NSD1: variants seen among roughly 807,000 people sequenced by gnomAD.
NSD1 encodes histone-lysine N-methyltransferase, H3 lysine-36 specific.
A neutral mutation model predicts 242.7 loss-of-function variants in NSD1; 26 were observed. The ratio of observed to expected loss-of-function variants is 0.11; its 90% CI spans 0.08 to 0.15. NSD1 has a LOEUF of 0.15. NSD1 is among the 10% of genes least tolerant of loss of function. NSD1 has a pLI of 1.00. For synonymous variants in NSD1, 1,106 were observed against 1,178.1 expected (o/e 0.94, Z 1.25); for missense variants, 2,495 against 3,272.8 (o/e 0.76, Z 5.80).
At chr5:177,222,633 T>C (rs556462490) in intron 5 of NSD1, among the ~76,000 whole-genome samples, 184 of 152,350 alleles carry the variant, frequency 1.2e-3, no homozygotes, top group African/African-American at 4.3e-3. Context: ...GTCATTTATG[T>C]ATTTTATTTG....
chr5:177,211,191 A>C lies in NSD1; in HGVS notation c.2792A>C (p.Gln931Pro), dbSNP rs1414134524. Residue 931 changes from glutamine (Q) to proline (P), a missense_variant, in exon 5 of 23, where the codon CAA becomes CCA. By Grantham distance (76) the Gln-to-Pro change is moderately conservative (BLOSUM62 -1). This residue lies in a region of NSD1 where 121 missense variants were observed against 167.2 expected (regional missense o/e 0.72). Coordinates refer to ENST00000439151, the MANE Select transcript of NSD1 (RefSeq NM_022455.5). ...AAGGAGCAGCGGTTGATGACTGCTC[A>C]AAACCTGGTCTCTTACCGGAGTCCT... ...KTKEQRLMTA[Q>P]NLVSYRSPGR... is the part of the protein sequence containing the mutation. 6.2e-7 allele frequency: 1 copy of C among 1,614,010 alleles called. No individual in the cohort carries two copies. Among genetic ancestry groups the C allele is most frequent in the African/African-American group, 1.3e-5 (1 of 74,940 alleles).
At chr5:177,209,591 C>T in intron 4 of NSD1, 45 bp from the exon 5 acceptor site, 1 of 1,415,036 alleles carries the variant, frequency 7.1e-7, no homozygotes, top group Middle Eastern at 1.8e-4. Flanking sequence ...TTCCCCCACC[C>T]ATTTCTTTGA....
At chr5:177,251,337 G>C (rs1451433878) in intron 11 of NSD1, among the ~76,000 whole-genome samples, 2 of 152,178 alleles carry the variant, frequency 1.3e-5, no homozygotes, top group Non-Finnish European at 2.9e-5. Context: ...TTGTAGGTAT[G>C]TCCCAAAAGG....
At chr5:177,170,983 A>G (rs192903866) in intron 2 of NSD1, among the ~76,000 whole-genome samples, 2 of 151,826 alleles carry the variant, frequency 1.3e-5, no homozygotes, top group Admixed American at 6.6e-5. Context: ...TGTCACTTCA[A>G]AATGAAACCT....
intron 10 of NSD1, 139 bp downstream of exon 10, chr5:177,246,935 G>T: frequency 1.5e-6 from 1 of 687,164 alleles, no homozygotes; most frequent in South Asian, 1.6e-5. Context: ...AATCTTGGAG[G>T]AAAAGTAGAG....
rs144562009 is a variant in NSD1 at position 177,238,377 on chromosome 5, C to A, written c.4062C>A (p.Gly1354=). 3.1e-6 allele frequency: 5 copies of A among 1,613,926 alleles called. No homozygotes were observed. In the African/African-American group the frequency reaches 6.7e-5, roughly 22 times the overall value. ...VLEREAPFLE[G]PLAQSELGGG... ...AAAGGGAGGCTCCGTTTTTGGAGGG[C>A]CCCTTGGCTCAGTCAGAACTTGGAG... Residue 1354 remains glycine, a synonymous_variant, in exon 7 of 23, where the codon GGC becomes GGA. Coordinates refer to ENST00000439151, the MANE Select transcript of NSD1 (RefSeq NM_022455.5). The surrounding 1 kb of genome is among the most constrained non-coding windows in gnomAD (Gnocchi z 4.6).
rs571851194 is a variant in NSD1, at chr5:177,178,218, T to TTTGA, written c.928-13647_928-13644dup. 4.8e-4 allele frequency among the ~76,000 whole-genome samples: 73 copies of TTTGA among 152,150 alleles called. 2 individuals carry two copies. In the East Asian group the frequency reaches 6.2e-3, roughly 13 times the overall value. On this transcript the variant is annotated intron_variant, in intron 2 of 22. Coordinates refer to ENST00000439151, the MANE Select transcript of NSD1 (RefSeq NM_022455.5). Reference sequence around the variant, plus strand: ...CTGCATTAAAATATTTTAATAGACATTTGATTGATTGATTGATTGATTTAT... The same window carrying TTTGA: ...CTGCATTAAAATATTTTAATAGACATTTGATTGATTGATTGATTGATTGATTTAT...
chr5:177,153,190 T>C (rs1757864399), intron 2 of NSD1, among the ~76,000 whole-genome samples: 1 of 150,882 alleles, frequency 6.6e-6, no homozygotes, highest in South Asian at 2.1e-4. Flanking sequence ...TAGTAATGTC[T>C]GTGGAATTTC....
chr5:177,174,814 C>T (rs767618305), intron 2 of NSD1, among the ~76,000 whole-genome samples: 4 of 148,732 alleles, frequency 2.7e-5, no homozygotes, highest in Non-Finnish European at 5.9e-5. Context: ...CTGCCCACCT[C>T]GGCCTCCCAA....
At position 177,295,385 on chromosome 5, in the gene NSD1, C is replaced by A; in HGVS notation, c.8017C>A (p.Pro2673Thr). Reference sequence around the variant, plus strand: ...TCTTGGAAGAGGGCAAGACCCCAAACCAGAGCAAAATACACTTCCAGCTCT... The same window carrying A: ...TCTTGGAAGAGGGCAAGACCCCAAAACAGAGCAAAATACACTTCCAGCTCT... ...WSLGRGQDPKPEQNTLPALNQ... is the reference protein window; with the variant it reads ...WSLGRGQDPKTEQNTLPALNQ... Residue 2673 changes from proline (P) to threonine (T), a missense_variant, in exon 23 of 23, where the codon CCA (proline) becomes ACA (threonine). Around this residue, in one of 19 missense-constraint regions of NSD1, gnomAD observed 475 missense variants for 563.7 expected, o/e 0.84. Coordinates refer to ENST00000439151, the MANE Select transcript of NSD1 (RefSeq NM_022455.5). The surrounding 1 kb of genome is among the most constrained non-coding windows in gnomAD (Gnocchi z 4.3). The A allele has an allele frequency of 6.2e-7, 1 of 1,614,224 alleles. No homozygotes were observed. Among genetic ancestry groups the A allele is most frequent in the Non-Finnish European group, 8.5e-7 (1 of 1,180,038 alleles).
At chr5:177,132,041 C>T (rs933603498), upstream of NSD1, among the ~76,000 whole-genome samples, 1 of 152,198 alleles carries the variant, frequency 6.6e-6, no homozygotes, top group Non-Finnish European at 1.5e-5. This position sits in a 1 kb window ranked among gnomAD's most constrained non-coding sequence, Gnocchi z 7.5. Flanking sequence ...GGCTCCCTGT[C>T]CCGCCCTTCC....
Position 177,158,900 on chromosome 5 carries a change from T to A in NSD1, c.927+22870T>A, listed in dbSNP as rs189648772. The stretch of plus-strand genomic sequence containing the variant: ...TAAATATTTAGATCTTTAATACCTT[T>A]GGAAAGTTTTTTATATATAGTTTGT... On this transcript the variant is annotated intron_variant, in intron 2 of 22. Transcript: ENST00000439151. Among the ~76,000 whole-genome samples the A allele has an allele frequency of 3.4e-3, 510 of 148,452 alleles. 19 individuals carry two copies. Among genetic ancestry groups the A allele is most frequent in the Admixed American group, 0.034 (501 of 14,890 alleles).
At chr5:177,173,880 G>A (rs148395723) in intron 2 of NSD1, among the ~76,000 whole-genome samples, 4 of 152,278 alleles carry the variant, frequency 2.6e-5, no homozygotes, top group Admixed American at 1.3e-4. Context: ...GTTCTAATGC[G>A]ACTGCCAAAA....
chr5:177,202,513 G>A (rs1436204140), intron 3 of NSD1, among the ~76,000 whole-genome samples: 1 of 151,982 alleles, frequency 6.6e-6, no homozygotes, highest in African/African-American at 2.4e-5. Context: ...CAAATAGATG[G>A]GACTACAGGC....
intron 2 of NSD1, among the ~76,000 whole-genome samples, chr5:177,161,693 T>A (rs1006412896): frequency 9.3e-5 from 14 of 150,762 alleles, no homozygotes; most frequent in African/African-American, 3.4e-4. Flanking sequence ...TTTTTTTTTT[T>A]TTGTTTTTGT....
At chr5:177,153,011 C>A (rs1023291201) in intron 2 of NSD1, among the ~76,000 whole-genome samples, 2 of 151,894 alleles carry the variant, frequency 1.3e-5, no homozygotes, top group Non-Finnish European at 2.9e-5. Flanking sequence ...TTCTTTTTTC[C>A]TTTTAAATTA....
At chr5:177,148,901 C>T (rs1218505710) in intron 2 of NSD1, among the ~76,000 whole-genome samples, 1 of 152,256 alleles carries the variant, frequency 6.6e-6, no homozygotes, top group East Asian at 1.9e-4. Flanking sequence ...TCACTGCAAC[C>T]TCTGCTTCCC....
At chr5:177,185,576 G>A (rs1483127047) in intron 2 of NSD1, among the ~76,000 whole-genome samples, 3 of 147,636 alleles carry the variant, frequency 2.0e-5, no homozygotes, top group Admixed American at 7.1e-5. Context: ...CCAGCCTGGG[G>A]GATGAGAGCG....
intron 3 of NSD1, among the ~76,000 whole-genome samples, chr5:177,193,353 A>G (rs1376145257): frequency 2.6e-5 from 4 of 152,084 alleles, no homozygotes; most frequent in Non-Finnish European, 5.9e-5. Context: ...CGTGTTAACC[A>G]GGATGGTCTT....
Sources: gnomAD v4.1 joint callset for allele counts (sites outside exome capture counted in the v4.1 genomes callset) on GRCh38, gnomAD v4.1.1 for gene constraint, gnomAD v4.1.1 regional missense constraint, Gnocchi (gnomAD v3.1) non-coding constraint, MANE v1.5 for transcripts, NCBI Gene and HGNC (gene_info 2026-07-23, HGNC 2026-07-21) for gene names.